The following KCNQ3 variants were observed in gnomAD, a reference collection of about 807,000 sequenced individuals.
KCNQ3 encodes potassium voltage-gated channel subfamily Q member 3, also known as potassium voltage-gated channel subfamily KQT member 3.
In KCNQ3, 30 loss-of-function variants were observed where a neutral mutation model predicts 92.5. The observed-to-expected ratio is 0.32, with a 90% CI of 0.24 to 0.44. The LOEUF (loss-of-function observed/expected upper bound fraction) is 0.44. KCNQ3 is among the 20% of genes least tolerant of loss of function. The pLI is 1.00. For missense variants in KCNQ3, 913 were observed against 1,140.3 expected (o/e 0.80, Z 2.87); for synonymous variants, 450 against 468.8 (o/e 0.96, Z 0.52).
intron 1 of KCNQ3, among the ~76,000 whole-genome samples, chr8:132,243,399 G>A (rs555406783): frequency 2.6e-5 from 4 of 152,306 alleles, no homozygotes; most frequent in African/African-American, 4.8e-5. Context: ...GGTGACTCTC[G>A]TTTGGAAAGC....
rs1325973444 is a variant in KCNQ3, at chr8:132,124,414, A to G, written c.*4848T>C. The G allele has an allele frequency of 6.6e-6, 1 of 152,258 alleles. No individual in the cohort carries two copies. Among genetic ancestry groups the G allele is most frequent in the Admixed American group, 6.5e-5 (1 of 15,290 alleles). 9.4% of individuals were successfully genotyped at this position (152,258 alleles called of 1,614,324 possible). A position where few individuals can be genotyped will look rare whatever the true frequency, so the allele number is the denominator to read the frequency against. On this transcript the variant is annotated 3_prime_UTR_variant, in exon 15 of 15. Coordinates refer to ENST00000388996, the MANE Select transcript of KCNQ3 (RefSeq NM_004519.4). ...TCATTGTACTAGAGGCTTTGTGTGT[A>G]CATTGATTGTCTCACTTGAAAATCA...
At chr8:132,142,680 A>G (rs970093412) in intron 9 of KCNQ3, among the ~76,000 whole-genome samples, 3 of 152,208 alleles carry the variant, frequency 2.0e-5, no homozygotes, top group Non-Finnish European at 4.4e-5. Flanking sequence ...TACTTGTGAA[A>G]TAAATGAGAG....
At chr8:132,380,803 A>G (rs948475506) in intron 1 of KCNQ3, among the ~76,000 whole-genome samples, 5 of 152,076 alleles carry the variant, frequency 3.3e-5, no homozygotes, top group African/African-American at 4.8e-5. Flanking sequence ...GTGCATGCAG[A>G]GATGTGATAA....
intron 9 of KCNQ3, among the ~76,000 whole-genome samples, chr8:132,143,541 C>A (rs1825362062): frequency 6.6e-6 from 1 of 152,194 alleles, no homozygotes; most frequent in Non-Finnish European, 1.5e-5. Context: ...AGCATCCTGA[C>A]AAACCATGTG....
At chr8:132,328,955 C>G (rs1466983323) in intron 1 of KCNQ3, among the ~76,000 whole-genome samples, 1 of 152,212 alleles carries the variant, frequency 6.6e-6, no homozygotes, top group Admixed American at 6.5e-5. Context: ...TCTGCTGTCA[C>G]ATCTCTACCC....
At chr8:132,166,720 C>T (rs992605074) in intron 8 of KCNQ3, among the ~76,000 whole-genome samples, 5 of 152,222 alleles carry the variant, frequency 3.3e-5, no homozygotes, top group Non-Finnish European at 7.3e-5. Flanking sequence ...TCATCCATCA[C>T]TGCTAGCCCC....
chr8:132,461,596 AC>A (rs2130858665), intron 1 of KCNQ3, among the ~76,000 whole-genome samples: 1 of 152,308 alleles, frequency 6.6e-6, no homozygotes, highest in South Asian at 2.1e-4. Context: ...AAAGGCACCC[AC>A]TGCCTTCCAG....
intron 1 of KCNQ3, among the ~76,000 whole-genome samples, chr8:132,305,652 G>T (rs1023495427): frequency 3.3e-5 from 5 of 152,062 alleles, no homozygotes; most frequent in Admixed American, 1.3e-4. Context: ...TACTGACTCT[G>T]GCTGTAGCTG....
At position 132,175,524 on chromosome 8, in the gene KCNQ3, C is replaced by T. The variant is rs755366368; in HGVS notation, c.862G>A (p.Glu288Lys). 3 of 1,614,174 alleles carry T rather than the reference C, an allele frequency of 1.9e-6. No individual in the cohort carries two copies. The South Asian group carries it at 3.3e-5, about 18-fold the overall frequency. The change falls in exon 5 of 15, where the codon GAG (glutamate) becomes AAG (lysine). Residue 288 changes from glutamate (E) to lysine (K), a missense_variant. Coordinates refer to ENST00000388996, the MANE Select transcript of KCNQ3 (RefSeq NM_004519.4). Reference sequence around the variant, plus strand: ...ATCTCCTCTCCTTGTGCATCCACCTCTGGGACGTCTTTCTCAACCAGGTAG... The same window carrying T: ...ATCTCCTCTCCTTGTGCATCCACCTTTGGGACGTCTTTCTCAACCAGGTAG... ...LVYLVEKDVPEVDAQGEEMKE... is the reference protein window; with the variant it reads ...LVYLVEKDVPKVDAQGEEMKE...
chr8:132,405,182 C>T (rs1215542275), intron 1 of KCNQ3, among the ~76,000 whole-genome samples: 2 of 152,230 alleles, frequency 1.3e-5, no homozygotes, highest in African/African-American at 2.4e-5. Flanking sequence ...TTTCAAGAAG[C>T]AGCCAGAGAG....
At chr8:132,178,429 G>A (rs970527266) in intron 4 of KCNQ3, among the ~76,000 whole-genome samples, 15 of 152,126 alleles carry the variant, frequency 9.9e-5, no homozygotes, top group African/African-American at 3.6e-4. Flanking sequence ...TTATGTGTAT[G>A]GTATGTGAGG....
chr8:132,411,089 C>A (rs1419215744), intron 1 of KCNQ3, among the ~76,000 whole-genome samples: 1 of 152,214 alleles, frequency 6.6e-6, no homozygotes, highest in African/African-American at 2.4e-5. Context: ...CTAACCAGGT[C>A]TGCATGGAGC....
At chr8:132,165,792 T>G (rs914379378) in intron 8 of KCNQ3, among the ~76,000 whole-genome samples, 2 of 152,236 alleles carry the variant, frequency 1.3e-5, no homozygotes, top group Admixed American at 1.3e-4. Flanking sequence ...CTGAGCGATA[T>G]TAAGCAAGCT....
Position 132,268,326 on chromosome 8 carries a change from G to A in KCNQ3, c.387-82145C>T, listed in dbSNP as rs562007705. Among the ~76,000 whole-genome samples, 11 of 152,224 alleles carry A rather than the reference G, an allele frequency of 7.2e-5. No individual in the cohort carries two copies. The South Asian group carries it at 8.3e-4, about 11-fold the overall frequency. On this transcript the variant is annotated intron_variant, in intron 1 of 14. Transcript: ENST00000388996. ...CTCACTCAGTTGGTCACCCAGCAGC[G>A]CGATCTTGGCTCACTGCAACCTCTG...
intron 1 of KCNQ3, among the ~76,000 whole-genome samples, chr8:132,347,681 A>C (rs1246315756): frequency 6.6e-6 from 1 of 152,194 alleles, no homozygotes; most frequent in Non-Finnish European, 1.5e-5. Flanking sequence ...TTATCCAGGT[A>C]AAAAGAGGAA....
At chr8:132,401,001 G>A (rs1000387695) in intron 1 of KCNQ3, among the ~76,000 whole-genome samples, 1 of 152,192 alleles carries the variant, frequency 6.6e-6, no homozygotes, top group African/African-American at 2.4e-5. Context: ...CAGCATTCAG[G>A]ATAAGCAAGC....
At chr8:132,172,377 C>T (rs1161989997) in intron 7 of KCNQ3, among the ~76,000 whole-genome samples, 2 of 149,890 alleles carry the variant, frequency 1.3e-5, no homozygotes, top group East Asian at 1.9e-4. Context: ...AGCAGGCCTG[C>T]TCCTGCCTGG....
chr8:132,342,229 C>A (rs1383457147), intron 1 of KCNQ3, among the ~76,000 whole-genome samples: 2 of 152,162 alleles, frequency 1.3e-5, no homozygotes, highest in African/African-American at 4.8e-5. Flanking sequence ...CTCTTTCTTT[C>A]ACCATATCTC....
Position 132,154,195 on chromosome 8 carries a change from T to TTTTTTTTTTTTTTTG in KCNQ3, c.1262+9272_1262+9273insCAAAAAAAAAAAAAA, listed in dbSNP as rs1291650847. Among the ~76,000 whole-genome samples, 6 of 21,698 alleles carry TTTTTTTTTTTTTTTG rather than the reference T, an allele frequency of 2.8e-4. 1 individual carries two copies. The highest frequency in any genetic ancestry group is 1.2e-3 in the Admixed American group (3 of 2,550). The allele number at this position is 21,698 out of a possible 152,430, so 14.2% of individuals were successfully genotyped here. A position where few individuals can be genotyped will look rare whatever the true frequency, so the allele number is the denominator to read the frequency against. On this transcript the variant is annotated intron_variant, in intron 9 of 14. Coordinates refer to ENST00000388996, the MANE Select transcript of KCNQ3 (RefSeq NM_004519.4). ...GATGTACCATCAAAAGGGTAAAAGT[T>TTTTTTTTTTTTTTTG]TTTTTTTTTTTTTTTTTTTTTTTTT...
Sources: gnomAD v4.1 joint callset for allele counts (sites outside exome capture counted in the v4.1 genomes callset) on GRCh38, gnomAD v4.1.1 for gene constraint, MANE v1.5 for transcripts, NCBI Gene and HGNC (gene_info 2026-07-23, HGNC 2026-07-21) for gene names.